C1QTNF5: variants seen among roughly 807,000 people sequenced by gnomAD.
C1QTNF5 encodes complement C1q tumor necrosis factor-related protein 5.
In C1QTNF5, 5 loss-of-function variants were observed where a neutral mutation model predicts 10.9. The observed-to-expected ratio is 0.46, with a 90% confidence interval of 0.24 to 0.97. The LOEUF is 0.97. C1QTNF5 is among the 50% of genes least tolerant of loss of function. The probability of loss-of-function intolerance (pLI) is 0.19; values close to 1 mark genes in which losing one functional copy is unlikely to be tolerated. For synonymous variants in C1QTNF5, 161 were observed against 156.5 expected, an observed-to-expected ratio of 1.03 and a Z score of -0.22; for missense variants, 281 against 339.4, an observed-to-expected ratio of 0.83 and a Z score of 1.35.
upstream of C1QTNF5, chr11:119,341,333 AGT>A: frequency 1.7e-6 from 1 of 591,972 alleles, no homozygotes; most frequent in Non-Finnish European, 3.0e-6. Context: ...GTGTGGGGCC[AGT>A]CAGCAGCCTG....
In C1QTNF5 at chr11:119,339,485, C is replaced by T; in HGVS notation, c.578G>A (p.Gly193Glu). 1 of 1,613,340 alleles carries T rather than the reference C, an allele frequency of 6.2e-7. No individual in the cohort carries two copies. Among genetic ancestry groups the T allele is most frequent in the Non-Finnish European group, 8.5e-7 (1 of 1,179,818 alleles). ...AGGCTCCAGCCTCACCATGGCCCCC[C>T]CCGAGAGCGAGGCTGGCTTGGGCCA... is the stretch of plus-strand genomic sequence containing the variant. The part of the protein sequence containing the change: ...GGWPKPASLS[G>E]GAMVRLEPED... Residue 193 changes from glycine (G) to glutamate (E), a missense_variant, in exon 3 of 3, where the codon GGG (glycine) becomes GAG (glutamate). By Grantham distance (98) the Gly-to-Glu change is moderately conservative (BLOSUM62 -2). Coordinates refer to ENST00000528368, the MANE Select transcript of C1QTNF5 (RefSeq NM_001278431.2). The surrounding 1 kb of genome is among the most constrained non-coding windows in gnomAD (Gnocchi z 5.4).
upstream of C1QTNF5, chr11:119,342,109 G>T: frequency 8.5e-7 from 1 of 1,177,896 alleles, no homozygotes; most frequent in Non-Finnish European, 1.2e-6. Context: ...GAGGAAGCAA[G>T]AGGATAACAA....
rs767352589 is a variant in C1QTNF5, at chr11:119,339,780, C to G, written c.283G>C (p.Ala95Pro). ...CGCGGAGGCACCGAGCACTCCCCGG[C>G]AGGCCCGGTGGGCCCCGCGGGTCCC... ...EAGPAGPTGP[A>P]GECSVPPRSA... The change falls in exon 3 of 3, where the codon GCC (alanine) becomes CCC (proline). Residue 95 changes from alanine to proline, a missense_variant. Ala to Pro is a conservative substitution (Grantham distance 27, BLOSUM62 -1). Transcript: ENST00000528368. This position sits in a 1 kb window ranked among gnomAD's most constrained non-coding sequence, Gnocchi z 5.4. 6.5e-7 allele frequency: 1 copy of G among 1,538,656 alleles called. No individual in the cohort carries two copies. Among genetic ancestry groups the G allele is most frequent in the South Asian group, 1.2e-5 (1 of 83,456 alleles).
upstream of C1QTNF5, chr11:119,342,595 C>G: frequency 6.2e-7 from 1 of 1,613,136 alleles, no homozygotes. Context: ...AGGCTTCTCA[C>G]CTGGGGGTGG....
In C1QTNF5 at chr11:119,340,644, C is replaced by G. The variant is rs370184568; in HGVS notation, c.-44+51G>C. ...CCTCCCACCGCCGGCCCGCGCCAGC[C>G]TTTCCCACAGTCCCCTCCCCAGCCC... On this transcript the variant is annotated intron_variant, in intron 1 of 2. Transcript: ENST00000528368. The G allele has an allele frequency of 7.7e-5, 42 of 543,874 alleles. 1 individual carries two copies. In the South Asian group the frequency reaches 9.0e-4, roughly 12 times the overall value. The allele number at this position is 543,874 out of a possible 1,614,324, so 33.7% of individuals were successfully genotyped here.
the C1QTNF5 span, chr11:119,346,646 C>T: frequency 1.1e-6 from 1 of 887,586 alleles, no homozygotes; most frequent in Non-Finnish European, 1.8e-6. Context: ...CCAGGCTAGA[C>T]CAGTTCTTGG....
chr11:119,342,112 G>T, upstream of C1QTNF5: 1 of 1,127,540 alleles, frequency 8.9e-7, no homozygotes, highest in Admixed American at 2.0e-5. Context: ...GAAGCAAGAG[G>T]ATAACAAAGA....
chr11:119,339,887 G>A lies in C1QTNF5; in HGVS notation c.215-39C>T, dbSNP rs1456248471. On this transcript the variant is annotated intron_variant, in intron 2 of 2. Transcript: ENST00000528368. This position sits in a 1 kb window ranked among gnomAD's most constrained non-coding sequence, Gnocchi z 5.4. ...GGGGCGGCAGGGTGAGAGTAGCGGC[G>A]GCTCAGCCCGCAGCGGGGCGGCGAC... 3 of 1,435,454 alleles carry A rather than the reference G, an allele frequency of 2.1e-6. No individual in the cohort carries two copies. Among genetic ancestry groups the A allele is most frequent in the African/African-American group, 2.9e-5 (2 of 68,726 alleles). The allele number at this position is 1,435,454 out of a possible 1,614,324, so 88.9% of individuals were successfully genotyped here.
chr11:119,344,418 G>A (rs2135371613), upstream of C1QTNF5: 4 of 1,607,036 alleles, frequency 2.5e-6, no homozygotes, highest in East Asian at 4.5e-5. Context: ...GGGCTCATGA[G>A]TTTGCTAGGA....
At chr11:119,344,206 C>T (rs1176348216), upstream of C1QTNF5, 5 of 1,152,880 alleles carry the variant, frequency 4.3e-6, no homozygotes, top group Admixed American at 6.9e-5. Context: ...TGATCTCTGA[C>T]CTTCCCAAGT....
At position 119,340,739 on chromosome 11, in the gene C1QTNF5, C is replaced by T. The variant is rs1436271797; in HGVS notation, c.-88G>A. 1 of 343,138 alleles carries T rather than the reference C, an allele frequency of 2.9e-6. No homozygotes were observed. The highest frequency in any genetic ancestry group is 7.3e-5 in the East Asian group (1 of 13,716). 21.3% of individuals were successfully genotyped at this position (343,138 alleles called of 1,614,324 possible). ...ATGGCCTCCTTCGGGGCGCTCGCTA[C>T]TCCGGACCCTCCAGTTGGTGGTGCT... On this transcript the variant is annotated 5_prime_UTR_variant, in exon 1 of 3. Transcript: ENST00000528368.
At chr11:119,346,053 G>A in the C1QTNF5 span, 8 of 1,610,864 alleles carry the variant, frequency 5.0e-6, no homozygotes, top group African/African-American at 9.4e-5. Flanking sequence ...TACGGGCCAG[G>A]ATGATGGCCA....
the C1QTNF5 span, chr11:119,345,951 T>C: frequency 6.2e-7 from 1 of 1,613,362 alleles, no homozygotes. Flanking sequence ...AGATGGAGGG[T>C]GGCGTTCAGA....
upstream of C1QTNF5, chr11:119,345,431 G>C (rs749323383): frequency 1.9e-6 from 3 of 1,613,750 alleles, no homozygotes; most frequent in Admixed American, 5.0e-5. Flanking sequence ...TGAGGAGGGG[G>C]CCTTCAGGCT....
upstream of C1QTNF5, chr11:119,342,558 C>G (rs1443994530): frequency 6.2e-7 from 1 of 1,610,446 alleles, no homozygotes. Flanking sequence ...GAGGTGGGCA[C>G]CCAGCCTGCT....
chr11:119,345,984 G>C, the C1QTNF5 span: 2 of 1,613,384 alleles, frequency 1.2e-6, no homozygotes, highest in Non-Finnish European at 1.7e-6. Context: ...TGGGAGGCTG[G>C]GAGAGCGGCT....
chr11:119,341,502 C>T (rs112157682), upstream of C1QTNF5: 87 of 1,534,578 alleles, frequency 5.7e-5, 5 homozygotes, highest in African/African-American at 6.5e-4. Context: ...CAGCCCTGAC[C>T]GGCAAAAGAG....
upstream of C1QTNF5, chr11:119,344,100 T>G: frequency 8.3e-7 from 1 of 1,205,802 alleles, no homozygotes; most frequent in Non-Finnish European, 1.2e-6. Context: ...CTTAAGGACC[T>G]TTAATTTACC....
chr11:119,339,198 A>G lies in C1QTNF5; in HGVS notation c.*133T>C, dbSNP rs1033626316. 1.0e-6 allele frequency: 1 copy of G among 995,490 alleles called. No homozygotes were observed. The highest frequency in any genetic ancestry group is 1.6e-5 in the African/African-American group (1 of 61,158). The allele number at this position is 995,490 out of a possible 1,614,324, so 61.7% of individuals were successfully genotyped here. ...GTTCCCATTCCTTGCCAGCAGCAGG[A>G]CGGAGAGTGCTCTACCCCACCTCCC... On this transcript the variant is annotated 3_prime_UTR_variant, in exon 3 of 3. Coordinates refer to ENST00000528368, the MANE Select transcript of C1QTNF5 (RefSeq NM_001278431.2). This position sits in a 1 kb window ranked among gnomAD's most constrained non-coding sequence, Gnocchi z 5.4.
Sources: gnomAD v4.1 joint callset for allele counts on GRCh38, gnomAD v4.1.1 for gene constraint, Gnocchi (gnomAD v3.1) non-coding constraint, MANE v1.5 for transcripts, NCBI Gene and HGNC (gene_info 2026-07-23, HGNC 2026-07-21) for gene names.